MGST1: variants seen among roughly 807,000 people sequenced by gnomAD.
MGST1 encodes glutathione S-transferase 12.
In MGST1, 5 loss-of-function variants were observed where a neutral mutation model predicts 8.9. The observed-to-expected ratio is 0.56, with a 90% CI of 0.29 to 1.19. MGST1 has a LOEUF of 1.19. MGST1 is among the 50% of genes most tolerant of loss of function. The probability of loss-of-function intolerance (pLI) is 0.08; values close to 1 mark genes in which losing one functional copy is unlikely to be tolerated. For missense variants in MGST1, 182 were observed against 187.4 expected (o/e 0.97, Z 0.17); for synonymous variants, 54 against 67.8 (o/e 0.80, Z 1.00).
rs1369892425 is a variant in MGST1 at position 16,560,156 on chromosome 12, AAG to A, written n.483-29370_483-29369del. 5.3e-5 allele frequency among the ~76,000 whole-genome samples: 8 copies of A among 152,206 alleles called. No individual in the cohort carries two copies. The highest frequency in any genetic ancestry group is 1.0e-4 in the Non-Finnish European group (7 of 68,030). ...AAATAATAAAAGAAGGAATGAGTAA[AAG>A]AAGTCAGAGTTTACGGTAGTGTTTC... is the stretch of plus-strand genomic sequence containing the variant. On this transcript the variant is annotated intron_variant and non_coding_transcript_variant, in intron 4 of 4. Transcript: ENST00000538857. The surrounding 1 kb of genome is among the most constrained non-coding windows in gnomAD (Gnocchi z 5.0).
chr12:16,527,602 G>A (rs577085580), intron 4 of MGST1, among the ~76,000 whole-genome samples: 4 of 151,982 alleles, frequency 2.6e-5, no homozygotes, highest in African/African-American at 4.8e-5. Context: ...TGGTATAAAA[G>A]GTATGTCTTA....
chr12:16,379,426 T>C (rs1470390080), downstream of MGST1, among the ~76,000 whole-genome samples: 1 of 152,220 alleles, frequency 6.6e-6, no homozygotes, highest in African/African-American at 2.4e-5. Context: ...TTGTCTTTGG[T>C]TCTGTTTATA....
chr12:16,475,689 GA>G (rs953874889), intron 4 of MGST1, among the ~76,000 whole-genome samples: 1 of 152,150 alleles, frequency 6.6e-6, no homozygotes, highest in African/African-American at 2.4e-5. Flanking sequence ...GAGACTGTTG[GA>G]AGTAGCAATT....
intron 1 of MGST1, among the ~76,000 whole-genome samples, chr12:16,394,490 C>CTT (rs67500907): frequency 8.9e-6 from 1 of 112,148 alleles, no homozygotes; most frequent in African/African-American, 3.4e-5. Context: ...TTCTTCCTTT[C>CTT]TTTCTTTCTC....
In MGST1 at chr12:16,465,404, G is replaced by A. The variant is rs74333903; in HGVS notation, n.482+81800G>A. Among the ~76,000 whole-genome samples the A allele has an allele frequency of 1.4e-4, 22 of 152,222 alleles. No homozygotes were observed. The East Asian group carries it at 2.9e-3, about 20-fold the overall frequency. On this transcript the variant is annotated intron_variant and non_coding_transcript_variant, in intron 4 of 4. Coordinates refer to the MGST1 transcript ENST00000538857. The stretch of plus-strand genomic sequence containing the variant: ...TTTAAATCAGAGGTCCCCAAATCCC[G>A]GCCAGTTGACCGGTACTGGTCCATG...
chr12:16,353,805 G>T (rs1444901067), intron 1 of MGST1, among the ~76,000 whole-genome samples: 9 of 145,182 alleles, frequency 6.2e-5, no homozygotes, highest in Admixed American at 4.9e-4. Flanking sequence ...TGTCGCCCAG[G>T]CTACAGTGCA....
intron 1 of MGST1, among the ~76,000 whole-genome samples, chr12:16,412,396 T>C (rs1469947505): frequency 8.5e-5 from 13 of 152,212 alleles, no homozygotes; most frequent in Admixed American, 8.5e-4. Context: ...TCCTAATATC[T>C]GCCCAGTTGG....
intron 4 of MGST1, among the ~76,000 whole-genome samples, chr12:16,528,066 T>C (rs1941700407): frequency 6.6e-6 from 1 of 152,004 alleles, no homozygotes; most frequent in African/African-American, 2.4e-5. Flanking sequence ...TGAAAAAGGG[T>C]TGACAGAGGC....
downstream of MGST1, among the ~76,000 whole-genome samples, chr12:16,377,835 A>C (rs1013199605): frequency 3.3e-5 from 5 of 150,614 alleles, no homozygotes; most frequent in African/African-American, 7.3e-5. Flanking sequence ...AATGATCGCC[A>C]TTCTAACTGG....
chr12:16,431,875 A>C (rs1565453449), intron 1 of MGST1, among the ~76,000 whole-genome samples: 2 of 152,186 alleles, frequency 1.3e-5, no homozygotes. Context: ...AAGCTCAATA[A>C]AGTGAAGTGC....
At chr12:16,384,254 C>G (rs1230587202) in intron 1 of MGST1, among the ~76,000 whole-genome samples, 4 of 152,134 alleles carry the variant, frequency 2.6e-5, no homozygotes, top group African/African-American at 4.8e-5. Context: ...ATGTATCCAA[C>G]TTCTAATCCT....
At chr12:16,474,364 T>TA (rs1459793738) in intron 4 of MGST1, among the ~76,000 whole-genome samples, 7 of 152,218 alleles carry the variant, frequency 4.6e-5, no homozygotes, top group Non-Finnish European at 1.0e-4. Flanking sequence ...CTGATACTTC[T>TA]AAAAAACATT....
At chr12:16,442,895 ATTG>A (rs1464514285), downstream of MGST1, among the ~76,000 whole-genome samples, 1 of 151,770 alleles carries the variant, frequency 6.6e-6, no homozygotes, top group African/African-American at 2.4e-5. The surrounding 1 kb of genome is among the most constrained non-coding windows in gnomAD (Gnocchi z 4.5). Context: ...GATGTGTCAT[ATTG>A]TTCTAATCTT....
rs144903799 is a variant in MGST1 at position 16,567,128 on chromosome 12, G to A, written n.483-22400G>A. 1.9e-4 allele frequency among the ~76,000 whole-genome samples: 29 copies of A among 152,192 alleles called. 1 individual carries two copies. The highest frequency in any genetic ancestry group is 4.1e-4 in the South Asian group (2 of 4,820). Reference sequence around the variant, plus strand: ...GGAGAATCACTTGAACCTGCGAGGCGGAGGTTGCAGTGAGCTGAGATCGTG... The same window carrying A: ...GGAGAATCACTTGAACCTGCGAGGCAGAGGTTGCAGTGAGCTGAGATCGTG... On this transcript the variant is annotated intron_variant and non_coding_transcript_variant, in intron 4 of 4. Transcript: ENST00000538857.
intron 4 of MGST1, among the ~76,000 whole-genome samples, chr12:16,452,004 G>C (rs999553537): frequency 6.6e-6 from 1 of 151,776 alleles, no homozygotes; most frequent in Non-Finnish European, 1.5e-5. Flanking sequence ...TCCAGCCAGA[G>C]CAAGTAATTA....
intron 4 of MGST1, among the ~76,000 whole-genome samples, chr12:16,530,531 G>A (rs1490539493): frequency 3.3e-5 from 5 of 152,084 alleles, no homozygotes; most frequent in Non-Finnish European, 5.9e-5. Context: ...GCTGAAAAAC[G>A]AGATTGTCTG....
At chr12:16,354,633 C>G (rs537379581) in intron 2 of MGST1, 23 of 256,058 alleles carry the variant, frequency 9.0e-5, no homozygotes, top group African/African-American at 4.9e-4. Context: ...ATGAGATATT[C>G]TGGAATATCA....
chr12:16,348,942 C>G (rs1057172835), intron 1 of MGST1: 2 of 151,958 alleles, frequency 1.3e-5, no homozygotes, highest in African/African-American at 4.8e-5. Flanking sequence ...CAGGTCAGCA[C>G]AGAGAAAGGC....
chr12:16,368,511 C>A (rs7979684), downstream of MGST1, among the ~76,000 whole-genome samples: 72,515 of 151,508 alleles, frequency 0.48, 17,556 homozygotes, highest in East Asian at 0.68. Context: ...GGTGTTCCTG[C>A]CATCAGCCAA....
Sources: gnomAD v4.1 joint callset for allele counts (sites outside exome capture counted in the v4.1 genomes callset) on GRCh38, gnomAD v4.1.1 for gene constraint, Gnocchi (gnomAD v3.1) non-coding constraint, MANE v1.5 for transcripts, NCBI Gene and HGNC (gene_info 2026-07-23, HGNC 2026-07-21) for gene names.